MAN1A2: variants seen among roughly 807,000 people sequenced by gnomAD.
MAN1A2 encodes the protein mannosidase alpha class 1A member 2, also known as mannosyl-oligosaccharide 1,2-alpha-mannosidase IB.
MAN1A2 carries 26 observed loss-of-function variants against 75.7 expected under a neutral mutation model. That is an observed-to-expected ratio of 0.34 (90% CI 0.25 to 0.48). MAN1A2 has a LOEUF of 0.48. Ranked by LOEUF, MAN1A2 falls within the 20% of genes least tolerant of loss-of-function variation. The probability of loss-of-function intolerance (pLI) is 0.99; values close to 1 mark genes in which losing one functional copy is unlikely to be tolerated. For synonymous variants in MAN1A2, 247 were observed against 264.6 expected, an observed-to-expected ratio of 0.93 and a Z score of 0.65; for missense variants, 562 against 775.5, an observed-to-expected ratio of 0.72 and a Z score of 3.27.
intron 1 of MAN1A2, among the ~76,000 whole-genome samples, chr1:117,394,102 G>C (rs1013448976): frequency 4.7e-5 from 7 of 147,828 alleles, no homozygotes; most frequent in African/African-American, 1.7e-4. Flanking sequence ...TTTTTTTTGA[G>C]ATGGAGTCTT....
chr1:117,392,668 A>G (rs1653763032), intron 1 of MAN1A2, among the ~76,000 whole-genome samples: 1 of 149,064 alleles, frequency 6.7e-6, no homozygotes, highest in East Asian at 1.9e-4. Context: ...ATCTGAAATT[A>G]CCATAAACGC....
rs1651947098 is a variant in MAN1A2 at position 117,524,248 on chromosome 1, A to G, written c.*1291A>G. 6.6e-6 allele frequency: 1 copy of G among 152,250 alleles called. No individual in the cohort carries two copies. The highest frequency in any genetic ancestry group is 1.5e-5 in the Non-Finnish European group (1 of 67,844). The allele number at this position is 152,250 out of a possible 1,614,324, so 9.4% of individuals were successfully genotyped here. On this transcript the variant is annotated 3_prime_UTR_variant, in exon 13 of 13. Transcript: ENST00000356554. ...ATCTAAGGAACTTTATCTTACTATC[A>G]GTAGGTTTTGCATTGATATTTCTTT...
intron 2 of MAN1A2, among the ~76,000 whole-genome samples, chr1:117,403,560 G>A (rs115856350): frequency 6.6e-6 from 1 of 152,164 alleles, no homozygotes; most frequent in Non-Finnish European, 1.5e-5. Flanking sequence ...CTCAGGTTCA[G>A]TGACTCACCA....
chr1:117,412,724 A>G (rs1291456189), intron 3 of MAN1A2, among the ~76,000 whole-genome samples: 1 of 151,620 alleles, frequency 6.6e-6, no homozygotes, highest in Non-Finnish European at 1.5e-5. Context: ...AGGCTTTTTC[A>G]TTTTTTCCTG....
intron 12 of MAN1A2, among the ~76,000 whole-genome samples, chr1:117,521,733 T>C (rs994739478): frequency 6.6e-6 from 1 of 151,976 alleles, no homozygotes; most frequent in Non-Finnish European, 1.5e-5. Context: ...CATGCATGTT[T>C]ATAGCAGCAC....
intron 8 of MAN1A2, among the ~76,000 whole-genome samples, chr1:117,490,608 G>A (rs1650848359): frequency 6.6e-6 from 1 of 151,760 alleles, no homozygotes; most frequent in African/African-American, 2.4e-5. Flanking sequence ...TCTTTCAATG[G>A]CCTCTAAATA....
At chr1:117,423,822 A>G (rs546821531) in intron 5 of MAN1A2, among the ~76,000 whole-genome samples, 2 of 152,150 alleles carry the variant, frequency 1.3e-5, no homozygotes, top group East Asian at 3.9e-4. Flanking sequence ...CAGTGGCATT[A>G]AAAACAACAT....
At chr1:117,372,724 G>A (rs1653005509) in intron 1 of MAN1A2, among the ~76,000 whole-genome samples, 1 of 151,294 alleles carries the variant, frequency 6.6e-6, no homozygotes, top group African/African-American at 2.4e-5. Flanking sequence ...TATACTTTGT[G>A]TACATAATAG....
chr1:117,413,004 G>T (rs564724808), intron 3 of MAN1A2, among the ~76,000 whole-genome samples: 21 of 151,950 alleles, frequency 1.4e-4, no homozygotes, highest in South Asian at 8.3e-4. Context: ...TAGTCTCAAG[G>T]ATTTAAAATA....
At chr1:117,514,135 G>T (rs1184720350) in intron 12 of MAN1A2, among the ~76,000 whole-genome samples, 1 of 152,156 alleles carries the variant, frequency 6.6e-6, no homozygotes, top group Non-Finnish European at 1.5e-5. Context: ...GGCCAAGGCG[G>T]GTGGATCACC....
At chr1:117,416,120 G>A (rs1647981029) in intron 4 of MAN1A2, among the ~76,000 whole-genome samples, 1 of 149,160 alleles carries the variant, frequency 6.7e-6, no homozygotes. Context: ...AAATGGAATT[G>A]AATTTTTTTT....
chr1:117,405,463 A>T, intron 2 of MAN1A2, 86 bp from the exon 3 acceptor site: 1 of 778,344 alleles, frequency 1.3e-6, no homozygotes, highest in African/African-American at 1.7e-5. Context: ...GGGCAAGGAT[A>T]TAGTAATAGA....
intron 12 of MAN1A2, among the ~76,000 whole-genome samples, chr1:117,505,960 TG>T: frequency 6.6e-6 from 1 of 151,560 alleles, no homozygotes; most frequent in South Asian, 2.1e-4. Flanking sequence ...TTTGAAACAG[TG>T]ATCTTAGGGA....
In MAN1A2 at chr1:117,368,169, C is replaced by G; in HGVS notation, c.-15C>G. 1.3e-6 allele frequency: 2 copies of G among 1,598,814 alleles called. No individual in the cohort carries two copies. The highest frequency in any genetic ancestry group is 2.7e-5 in the African/African-American group (2 of 74,310). ...ATGAGAACTTTCTAAAGTATTCTCT[C>G]CAAGAGCGTAAACGATGACTACCCC... On this transcript the variant is annotated 5_prime_UTR_variant, in exon 1 of 13. Coordinates refer to ENST00000356554, the MANE Select transcript of MAN1A2 (RefSeq NM_006699.5).
intron 11 of MAN1A2, among the ~76,000 whole-genome samples, chr1:117,501,007 A>G (rs1651183061): frequency 6.6e-6 from 1 of 151,808 alleles, no homozygotes; most frequent in Admixed American, 6.6e-5. Context: ...TGTCTGAATC[A>G]CGTGAGGAGT....
intron 7 of MAN1A2, among the ~76,000 whole-genome samples, chr1:117,465,015 G>A (rs1010889485): frequency 6.6e-6 from 1 of 152,136 alleles, no homozygotes; most frequent in Non-Finnish European, 1.5e-5. Flanking sequence ...ATCACCATGA[G>A]AGAAAACATA....
intron 5 of MAN1A2, among the ~76,000 whole-genome samples, chr1:117,436,258 T>C (rs1322609944): frequency 6.6e-6 from 1 of 152,074 alleles, no homozygotes; most frequent in African/African-American, 2.4e-5. Flanking sequence ...GTTGACATAA[T>C]ATGGGGAAGA....
intron 4 of MAN1A2, among the ~76,000 whole-genome samples, chr1:117,419,698 A>G (rs1005234371): frequency 2.0e-5 from 3 of 151,868 alleles, no homozygotes; most frequent in Admixed American, 6.6e-5. Context: ...TTTTCTTTCC[A>G]TGTGTTAGAA....
intron 1 of MAN1A2, among the ~76,000 whole-genome samples, chr1:117,381,480 C>G (rs1341814077): frequency 6.6e-6 from 1 of 152,028 alleles, no homozygotes; most frequent in Admixed American, 6.6e-5. Context: ...ATGATGATTT[C>G]CAATTTCATC....
Sources: allele counts gnomAD v4.1 joint callset (sites outside exome capture counted in the v4.1 genomes callset), GRCh38; gene constraint gnomAD v4.1.1; transcripts MANE v1.5; gene names NCBI Gene and HGNC (gene_info 2026-07-23, HGNC 2026-07-21).